Variants in SAMD7 observed in about 807,000 individuals in gnomAD.
SAMD7 encodes the protein sterile alpha motif domain-containing protein 7.
Under a neutral mutation model 36.7 loss-of-function variants are expected in SAMD7, and 34 were observed. The observed-to-expected ratio is 0.93, with a 90% CI of 0.71 to 1.23. The LOEUF (loss-of-function observed/expected upper bound fraction) is 1.23. Ranked by LOEUF, SAMD7 falls within the 50% of genes most tolerant of loss-of-function variation. SAMD7 has a pLI of 0.00. For missense variants in SAMD7, 570 were observed against 546.6 expected (o/e 1.04, Z -0.43); for synonymous variants, 188 against 189.7 (o/e 0.99, Z 0.07).
chr3:169,936,998 G>C (rs1713743726), intron 8 of SAMD7, among the ~76,000 whole-genome samples: 1 of 151,974 alleles, frequency 6.6e-6, no homozygotes, highest in Admixed American at 6.6e-5. Context: ...AAAATAATTA[G>C]GTAAAAACAA....
At chr3:169,936,119 A>G (rs1484687480) in intron 7 of SAMD7, among the ~76,000 whole-genome samples, 2 of 152,218 alleles carry the variant, frequency 1.3e-5, no homozygotes, top group African/African-American at 2.4e-5. Context: ...ATTGAGTTCT[A>G]TAAACAGAGA....
intron 6 of SAMD7, 106 bp downstream of exon 6, chr3:169,927,287 T>C: frequency 5.5e-6 from 1 of 180,382 alleles, no homozygotes; most frequent in Non-Finnish European, 7.6e-6. Context: ...TTATCTTTCT[T>C]TTTTTTTTTT....
chr3:169,930,269 C>T (rs1713433069), intron 7 of SAMD7, among the ~76,000 whole-genome samples: 1 of 152,186 alleles, frequency 6.6e-6, no homozygotes, highest in Non-Finnish European at 1.5e-5. Flanking sequence ...CTCTTCCCTA[C>T]CCCAAGAAGT....
chr3:169,918,063 G>A (rs751906619), intron 2 of SAMD7, among the ~76,000 whole-genome samples: 4 of 151,576 alleles, frequency 2.6e-5, no homozygotes, highest in East Asian at 3.9e-4. Context: ...TCAGCCTCCC[G>A]AGTAGCTGGG....
intron 4 of SAMD7, 75 bp from the exon 5 acceptor site, chr3:169,924,983 A>G (rs1713195291): frequency 1.1e-6 from 1 of 893,054 alleles, no homozygotes; most frequent in Non-Finnish European, 1.7e-6. Flanking sequence ...TTACATTGTT[A>G]TAGTTTATTT....
chr3:169,927,496 C>T (rs886251623), intron 6 of SAMD7, among the ~76,000 whole-genome samples: 1 of 151,886 alleles, frequency 6.6e-6, no homozygotes, highest in African/African-American at 2.4e-5. Context: ...GGGGTTTCAC[C>T]ATGTTGGCCA....
rs1713818722 is a variant in SAMD7, at chr3:169,938,820, A to G, written c.*314A>G. The G allele has an allele frequency of 8.9e-6, 2 of 225,882 alleles. No homozygotes were observed. Among genetic ancestry groups the G allele is most frequent in the African/African-American group, 4.5e-5 (2 of 44,318 alleles). 14.0% of individuals were successfully genotyped at this position (225,882 alleles called of 1,614,324 possible). A position where few individuals can be genotyped will look rare whatever the true frequency, so the allele number is the denominator to read the frequency against. ...AACCAAAAGAGCTGAAACTGAAAAA[A>G]GAGCTCCCTCCCTTTTTTCACTCAT... is the stretch of plus-strand genomic sequence containing the variant. On this transcript the variant is annotated 3_prime_UTR_variant, in exon 9 of 9. Transcript: ENST00000335556.
chr3:169,917,477 C>T (rs189951444), intron 2 of SAMD7, among the ~76,000 whole-genome samples: 8 of 151,778 alleles, frequency 5.3e-5, no homozygotes, highest in African/African-American at 7.2e-5. Flanking sequence ...TATATACTTA[C>T]GGGGGCACAT....
chr3:169,935,170 C>G (rs1576839563), intron 7 of SAMD7, among the ~76,000 whole-genome samples: 1 of 152,168 alleles, frequency 6.6e-6, no homozygotes, highest in East Asian at 1.9e-4. Context: ...AGAAATCTAG[C>G]TGTGAAGGGA....
chr3:169,931,561 C>G (rs1291953518), intron 7 of SAMD7, among the ~76,000 whole-genome samples: 1 of 152,174 alleles, frequency 6.6e-6, no homozygotes, highest in Non-Finnish European at 1.5e-5. Flanking sequence ...CTCAAGTGAT[C>G]CTCCAGCCTT....
At chr3:169,917,452 A>G (rs907395527) in intron 2 of SAMD7, among the ~76,000 whole-genome samples, 3 of 152,034 alleles carry the variant, frequency 2.0e-5, no homozygotes, top group South Asian at 2.1e-4. Flanking sequence ...TTTAATTTTC[A>G]TGGGTACATA....
chr3:169,923,617 C>T (rs1713140166), intron 4 of SAMD7, among the ~76,000 whole-genome samples: 1 of 152,212 alleles, frequency 6.6e-6, no homozygotes, highest in Admixed American at 6.5e-5. Flanking sequence ...TGTCACATGC[C>T]TGTAGTCCCA....
intron 7 of SAMD7, among the ~76,000 whole-genome samples, chr3:169,935,499 TTTTTGTTTTG>T (rs141323031): frequency 1.7e-4 from 26 of 151,860 alleles, no homozygotes; most frequent in East Asian, 3.9e-4. Flanking sequence ...TGTTTTCTGT[TTTTTGTTTTG>T]TTTTGTTTTG....
chr3:169,928,538 G>GCTT lies in SAMD7; in HGVS notation c.1003_1005dup (p.Phe335dup), dbSNP rs1349098903. Reference sequence around the variant, plus strand: ...AAGTGGACCGTGGATGATGTGCACAGCTTCATTCGCAGCCTTCCAGGTTGT... The same window carrying GCTT: ...AAGTGGACCGTGGATGATGTGCACAGCTTCTTCATTCGCAGCCTTCCAGGTTGT... On this transcript the variant is annotated inframe_insertion, in exon 7 of 9. Transcript: ENST00000335556. 1 of 1,613,952 alleles carries GCTT rather than the reference G, an allele frequency of 6.2e-7. No individual in the cohort carries two copies. Among genetic ancestry groups the GCTT allele is most frequent in the East Asian group, 2.2e-5 (1 of 44,902 alleles).
intron 4 of SAMD7, among the ~76,000 whole-genome samples, chr3:169,922,628 T>C (rs1413702805): frequency 1.3e-5 from 2 of 152,210 alleles, no homozygotes; most frequent in African/African-American, 2.4e-5. Flanking sequence ...GCCTGCCAAG[T>C]AGCTGGGATT....
In SAMD7 at chr3:169,932,444, G is replaced by A. The variant is rs769671716; in HGVS notation, c.1041+3866G>A. 6.6e-5 allele frequency: 40 copies of A among 610,158 alleles called. 1 individual carries two copies. Among genetic ancestry groups the A allele is most frequent in the South Asian group, 4.1e-4 (30 of 72,538 alleles). 37.8% of individuals were successfully genotyped at this position (610,158 alleles called of 1,614,324 possible). The stretch of plus-strand genomic sequence containing the variant: ...ATGCCGGTTATGATAGACACAATGC[G>A]GAGGTAGCAGCCTTTCACTTGGACA... On this transcript the variant is annotated intron_variant, in intron 7 of 8. Coordinates refer to ENST00000335556, the MANE Select transcript of SAMD7 (RefSeq NM_001304366.2).
At position 169,929,886 on chromosome 3, in the gene SAMD7, A is replaced by G. The variant is rs183131080; in HGVS notation, c.1041+1308A>G. 6.8e-3 allele frequency among the ~76,000 whole-genome samples: 1,042 copies of G among 152,314 alleles called. 13 individuals carry two copies. Among genetic ancestry groups the G allele is most frequent in the Admixed American group, 8.6e-3 (132 of 15,294 alleles). On this transcript the variant is annotated intron_variant, in intron 7 of 8. Transcript: ENST00000335556. Reference sequence around the variant, plus strand: ...TACTCTTCCCTGTTCAATGGTTATAACCTTATTTTTAAAAATTAGTCATTA... The same window carrying G: ...TACTCTTCCCTGTTCAATGGTTATAGCCTTATTTTTAAAAATTAGTCATTA...
chr3:169,911,968 G>C (rs1712618038), intron 1 of SAMD7, 147 bp downstream of exon 1: 1 of 152,168 alleles, frequency 6.6e-6, no homozygotes, highest in South Asian at 2.1e-4. Flanking sequence ...ATTACTAACA[G>C]TATGTGAGCT....
rs1178794793 is a variant in SAMD7, at chr3:169,927,064, A to C, written c.802A>C (p.Thr268Pro). ...THRKPWGSHT[T>P]TLKAKAWDDG... Reference sequence around the variant, plus strand: ...TAGGAAACCCTGGGGGTCTCACACCACTACCCTGAAAGCAAAGGCCTGGGA... The same window carrying C: ...TAGGAAACCCTGGGGGTCTCACACCCCTACCCTGAAAGCAAAGGCCTGGGA... Residue 268 changes from threonine (T) to proline (P), a missense_variant, in exon 6 of 9, where the codon ACT becomes CCT. By Grantham distance (38) the Thr-to-Pro change is conservative. Transcript: ENST00000335556. 2 of 1,611,612 alleles carry C rather than the reference A, an allele frequency of 1.2e-6. No individual in the cohort carries two copies. Among genetic ancestry groups the C allele is most frequent in the East Asian group, 2.2e-5 (1 of 44,856 alleles).
Sources: gnomAD v4.1 joint callset for allele counts (sites outside exome capture counted in the v4.1 genomes callset) on GRCh38, gnomAD v4.1.1 for gene constraint, MANE v1.5 for transcripts, NCBI Gene and HGNC (gene_info 2026-07-23, HGNC 2026-07-21) for gene names.